JAKMIP3: variants seen among roughly 807,000 people sequenced by gnomAD.
JAKMIP3 encodes the protein janus kinase and microtubule-interacting protein 3.
Under a neutral mutation model 118.5 loss-of-function variants are expected in JAKMIP3, and 58 were observed. The observed-to-expected ratio is 0.49, with a 90% CI of 0.40 to 0.61. JAKMIP3 has a LOEUF of 0.61. Among genes scored for constraint, JAKMIP3 ranks in the 20% least tolerant of loss-of-function variants. The probability of loss-of-function intolerance (pLI) is 0.00; values close to 1 mark genes in which losing one functional copy is unlikely to be tolerated. For synonymous variants in JAKMIP3, 486 were observed against 451.2 expected (o/e 1.08, Z -0.98); for missense variants, 950 against 1,109.0 (o/e 0.86, Z 2.04).
At chr10:132,147,859 CCAG>C in intron 13 of JAKMIP3, 90 bp from the exon 14 acceptor site, 1 of 898,072 alleles carries the variant, frequency 1.1e-6, no homozygotes, top group Non-Finnish European at 1.7e-6. Context: ...TCCCCGGCAG[CCAG>C]CAGCTGTCCC....
At chr10:132,095,471 A>G (rs975918642) in intron 1 of JAKMIP3, among the ~76,000 whole-genome samples, 4 of 152,182 alleles carry the variant, frequency 2.6e-5, no homozygotes, top group African/African-American at 9.7e-5. Flanking sequence ...CCCGTGATCT[A>G]GACCTTCAGG....
intron 1 of JAKMIP3, among the ~76,000 whole-genome samples, chr10:132,050,452 G>A (rs529499236): frequency 1.9e-3 from 293 of 152,290 alleles, no homozygotes; most frequent in Non-Finnish European, 3.7e-3. Flanking sequence ...CAGAGGGCGG[G>A]AAGTAGTGGG....
At chr10:132,146,660 A>G (rs1022714865) in intron 13 of JAKMIP3, among the ~76,000 whole-genome samples, 1 of 152,192 alleles carries the variant, frequency 6.6e-6, no homozygotes, top group Non-Finnish European at 1.5e-5. Flanking sequence ...GATCTGTGCC[A>G]ACAGGACAGA....
In JAKMIP3 at chr10:132,117,083, A is replaced by C; in HGVS notation, c.142A>C (p.Lys48Gln). 1 of 1,606,044 alleles carries C rather than the reference A, an allele frequency of 6.2e-7. No homozygotes were observed. Among genetic ancestry groups the C allele is most frequent in the Non-Finnish European group, 8.5e-7 (1 of 1,173,912 alleles). ...ELQQEKSKVS[K>Q]VEREKNQELR... The stretch of plus-strand genomic sequence containing the variant: ...TCTCGCTGTTGTCTTTCAGGTCAGC[A>C]AAGTGGAACGCGAGAAGAACCAGGA... The change falls in exon 3 of 24, where the codon AAA becomes CAA. Residue 48 changes from lysine to glutamine, a missense_variant. Transcript: ENST00000684848. The surrounding 1 kb of genome is among the most constrained non-coding windows in gnomAD (Gnocchi z 8.6).
chr10:132,097,541 A>G (rs4880327), intron 1 of JAKMIP3, among the ~76,000 whole-genome samples: 92,983 of 151,866 alleles, frequency 0.61, 28,740 homozygotes, highest in East Asian at 0.71. Flanking sequence ...CCATGGTTAC[A>G]GAGGGGGCAG....
intron 1 of JAKMIP3, among the ~76,000 whole-genome samples, chr10:132,036,856 C>T (rs2037518452): frequency 6.6e-6 from 1 of 151,832 alleles, no homozygotes; most frequent in African/African-American, 2.4e-5. Context: ...GGGCGACGTC[C>T]CGAGGGAGGG....
rs749953933 is a variant in JAKMIP3, at chr10:132,136,070, A to G, written c.1110A>G (p.Ile370Met). Residue 370 changes from isoleucine (I) to methionine (M), a missense_variant, in exon 6 of 24, where the codon ATA becomes ATG. By Grantham distance (10) the Ile-to-Met change is conservative. Transcript: ENST00000684848. The stretch of plus-strand genomic sequence containing the variant: ...TAAAATTTGTCACCCAGGAGAACAT[A>G]GAAATGGTGAGGGGGTGGGGGGCTC... ...NKLKFVTQEN[I>M]EMRQRAGIIR... 4 of 1,613,258 alleles carry G rather than the reference A, an allele frequency of 2.5e-6. No individual in the cohort carries two copies. Among genetic ancestry groups the G allele is most frequent in the Non-Finnish European group, 2.5e-6 (3 of 1,179,640 alleles).
chr10:132,056,998 G>T (rs1357608831), intron 1 of JAKMIP3, among the ~76,000 whole-genome samples: 3 of 152,014 alleles, frequency 2.0e-5, no homozygotes, highest in Non-Finnish European at 4.4e-5. Flanking sequence ...CCTACCCAGG[G>T]GTCTAGAATT....
chr10:132,087,936 C>T (rs2042606723), intron 1 of JAKMIP3, among the ~76,000 whole-genome samples: 2 of 152,070 alleles, frequency 1.3e-5, no homozygotes, highest in Non-Finnish European at 2.9e-5. Flanking sequence ...CAATTCCCAC[C>T]TATGAGTGAG....
At chr10:132,041,317 G>A (rs769394780) in intron 1 of JAKMIP3, among the ~76,000 whole-genome samples, 1 of 152,228 alleles carries the variant, frequency 6.6e-6, no homozygotes, top group Non-Finnish European at 1.5e-5. Context: ...TCAGGGAGTG[G>A]AGAGCTGGCT....
chr10:132,125,732 A>G (rs2049422939), intron 3 of JAKMIP3, among the ~76,000 whole-genome samples: 1 of 152,214 alleles, frequency 6.6e-6, no homozygotes, highest in Non-Finnish European at 1.5e-5. Flanking sequence ...GTTTCATGCT[A>G]TTATAAATGG....
intron 19 of JAKMIP3, among the ~76,000 whole-genome samples, chr10:132,161,491 T>TA (rs2058302729): frequency 2.1e-5 from 1 of 47,496 alleles, no homozygotes; most frequent in South Asian, 1.1e-3. Flanking sequence ...TGTGTGATGC[T>TA]GGGGGGGTCT....
chr10:132,110,770 T>C (rs902878850), intron 2 of JAKMIP3, among the ~76,000 whole-genome samples: 1 of 152,154 alleles, frequency 6.6e-6, no homozygotes, highest in African/African-American at 2.4e-5. Context: ...GGGAGAGAGA[T>C]GGGACCGTTC....
intron 4 of JAKMIP3, 129 bp downstream of exon 4, chr10:132,133,656 G>C (rs1302099307): frequency 1.2e-6 from 1 of 820,822 alleles, no homozygotes; most frequent in African/African-American, 1.7e-5. Context: ...CCTCCTGCCT[G>C]GGCACCTCCC....
chr10:132,042,184 C>CTCGCTCCTTCCT lies in JAKMIP3; in HGVS notation c.-138+5448_-138+5449insGCTCCTTCCTTC, dbSNP rs1554909340. On this transcript the variant is annotated intron_variant, in intron 1 of 23. Coordinates refer to the JAKMIP3 transcript ENST00000657785. The stretch of plus-strand genomic sequence containing the variant: ...CCCCGCTAGTTCACTTGCTCGCTCG[C>CTCGCTCCTTCCT]TCCTTCCTTCCTTCCTTCCTTCCTT... Among the ~76,000 whole-genome samples the CTCGCTCCTTCCT allele has an allele frequency of 8.8e-3, 1,166 of 132,176 alleles. 25 individuals carry two copies. Among genetic ancestry groups the CTCGCTCCTTCCT allele is most frequent in the African/African-American group, 0.032 (1,090 of 33,602 alleles). The allele number at this position is 132,176 out of a possible 152,430, so 86.7% of individuals were successfully genotyped here. A position where few individuals can be genotyped will look rare whatever the true frequency, so the allele number is the denominator to read the frequency against.
chr10:132,139,299 T>G (rs1208542178), intron 9 of JAKMIP3, among the ~76,000 whole-genome samples: 1 of 111,282 alleles, frequency 9.0e-6, no homozygotes, highest in African/African-American at 5.0e-5. Context: ...CATCTGTGTA[T>G]GTGTGTGAGT....
chr10:132,041,912 G>T lies in JAKMIP3; in HGVS notation c.-138+5174G>T, dbSNP rs185670763. ...AAAAAGTTTTGCTCTTGTTGCCCAGGCTGGAGTACAGTGGTGCCATCTCGG... is the reference window on the plus strand; with the variant it reads ...AAAAAGTTTTGCTCTTGTTGCCCAGTCTGGAGTACAGTGGTGCCATCTCGG... On this transcript the variant is annotated intron_variant, in intron 1 of 23. Transcript: ENST00000657785. 2.8e-3 allele frequency among the ~76,000 whole-genome samples: 417 copies of T among 151,606 alleles called. 3 individuals carry two copies. The highest frequency in any genetic ancestry group is 9.6e-3 in the African/African-American group (397 of 41,272).
At chr10:132,176,711 AG>A (rs1022141005) in intron 23 of JAKMIP3, among the ~76,000 whole-genome samples, 1 of 152,116 alleles carries the variant, frequency 6.6e-6, no homozygotes, top group Non-Finnish European at 1.5e-5. Context: ...ATCACTCTGC[AG>A]GGATTCAGCC....
intron 1 of JAKMIP3, among the ~76,000 whole-genome samples, chr10:132,084,911 C>G (rs115291281): frequency 6.6e-6 from 1 of 152,128 alleles, no homozygotes; most frequent in South Asian, 2.1e-4. Flanking sequence ...CCCCTGCATT[C>G]CTGGTTTGAA....
Sources: allele counts gnomAD v4.1 joint callset (sites outside exome capture counted in the v4.1 genomes callset), GRCh38; gene constraint gnomAD v4.1.1; non-coding constraint Gnocchi (gnomAD v3.1); transcripts MANE v1.5; gene names NCBI Gene and HGNC (gene_info 2026-07-23, HGNC 2026-07-21).